Variants in COG5 observed in about 807,000 individuals in gnomAD.
COG5 encodes the protein component of oligomeric golgi complex 5.
A neutral mutation model predicts 110.4 loss-of-function variants in COG5; 86 were observed. The observed-to-expected ratio is 0.78, with a 90% CI of 0.65 to 0.93. The LOEUF is 0.93. Among genes scored for constraint, COG5 ranks in the 40% least tolerant of loss-of-function variants. COG5 has a pLI of 0.00. For synonymous variants in COG5, 360 were observed against 334.6 expected (o/e 1.08, Z -0.83); for missense variants, 1,077 against 987.0 (o/e 1.09, Z -1.22).
chr7:107,349,066 T>A (rs1811892866), intron 10 of COG5, among the ~76,000 whole-genome samples: 1 of 152,198 alleles, frequency 6.6e-6, no homozygotes, highest in Non-Finnish European at 1.5e-5. Context: ...AACAATGGAT[T>A]GTACATTGTT....
chr7:107,434,706 C>G (rs752412774), intron 6 of COG5, among the ~76,000 whole-genome samples: 8 of 152,280 alleles, frequency 5.3e-5, no homozygotes, highest in Admixed American at 2.0e-4. Flanking sequence ...CGCGGTGGCT[C>G]ACGCCTGTAA....
rs147141577 is a variant in COG5, at chr7:107,356,264, CAAAG to C, written c.1026+5765_1026+5768del. 5.4e-3 allele frequency among the ~76,000 whole-genome samples: 829 copies of C among 152,156 alleles called. 9 individuals are homozygous for C. The highest frequency in any genetic ancestry group is 0.019 in the African/African-American group (807 of 41,538). Reference sequence around the variant, plus strand: ...GCATTGAAACCAAATGGTTTGAAAACAAAGAAATCTGGAAAATATATTCTTAATT... The same window carrying C: ...GCATTGAAACCAAATGGTTTGAAAACAAATCTGGAAAATATATTCTTAATT... On this transcript the variant is annotated intron_variant, in intron 10 of 21. Coordinates refer to ENST00000297135, the MANE Select transcript of COG5 (RefSeq NM_006348.5).
At chr7:107,211,839 T>C (rs1172101679) in intron 19 of COG5, among the ~76,000 whole-genome samples, 1 of 152,204 alleles carries the variant, frequency 6.6e-6, no homozygotes, top group African/African-American at 2.4e-5. Flanking sequence ...CTACAAATTA[T>C]ATACCACCTG....
rs980222657 is a variant in COG5 at position 107,202,318 on chromosome 7, G to C, written c.*1198C>G. 6 of 152,714 alleles carry C rather than the reference G, an allele frequency of 3.9e-5. No homozygotes were observed. Among genetic ancestry groups the C allele is most frequent in the Non-Finnish European group, 8.8e-5 (6 of 68,014 alleles). The allele number at this position is 152,714 out of a possible 1,614,324, so 9.5% of individuals were successfully genotyped here. A position where few individuals can be genotyped will look rare whatever the true frequency, so the allele number is the denominator to read the frequency against. On this transcript the variant is annotated 3_prime_UTR_variant, in exon 22 of 22. Coordinates refer to ENST00000297135, the MANE Select transcript of COG5 (RefSeq NM_006348.5). ...ATTTTCCTCCAACTGTCTAAAATTAGAGCAAATACATTGGCAATACAGCTG... is the reference window on the plus strand; with the variant it reads ...ATTTTCCTCCAACTGTCTAAAATTACAGCAAATACATTGGCAATACAGCTG...
At chr7:107,494,948 G>C (rs1026202487) in intron 6 of COG5, among the ~76,000 whole-genome samples, 1 of 152,098 alleles carries the variant, frequency 6.6e-6, no homozygotes, top group African/African-American at 2.4e-5. Flanking sequence ...AATCCTGAGA[G>C]CCACAGGAGC....
intron 6 of COG5, among the ~76,000 whole-genome samples, chr7:107,421,940 T>A (rs1213700846): frequency 6.6e-6 from 1 of 152,166 alleles, no homozygotes; most frequent in Non-Finnish European, 1.5e-5. Context: ...ATCTGTGAGA[T>A]GCAACCAACG....
intron 12 of COG5, among the ~76,000 whole-genome samples, chr7:107,284,698 T>C (rs1805484015): frequency 6.6e-6 from 1 of 152,234 alleles, no homozygotes; most frequent in African/African-American, 2.4e-5. Flanking sequence ...ATATCTTTAA[T>C]AATTCATGCT....
At chr7:107,420,632 T>G (rs1793218280) in intron 6 of COG5, among the ~76,000 whole-genome samples, 1 of 152,102 alleles carries the variant, frequency 6.6e-6, no homozygotes, top group African/African-American at 2.4e-5. Context: ...GGCTAATTTT[T>G]CTGTATTTTT....
intron 5 of COG5, among the ~76,000 whole-genome samples, chr7:107,541,295 G>A (rs1349790976): frequency 1.3e-5 from 2 of 151,164 alleles, no homozygotes; most frequent in South Asian, 2.1e-4. Context: ...TCAGGAGTTC[G>A]AGACCAACCT....
At chr7:107,560,329 G>A (rs1028358177) in intron 1 of COG5, among the ~76,000 whole-genome samples, 2 of 152,172 alleles carry the variant, frequency 1.3e-5, no homozygotes, top group Non-Finnish European at 2.9e-5. Flanking sequence ...AAGACATAAT[G>A]AAGGCCCGAC....
chr7:107,548,396 T>G, intron 3 of COG5, 64 bp from the exon 4 acceptor site: 1 of 1,439,494 alleles, frequency 6.9e-7, no homozygotes, highest in Non-Finnish European at 9.8e-7. Flanking sequence ...GGTAAATAGT[T>G]AAATTAAAAG....
intron 6 of COG5, among the ~76,000 whole-genome samples, chr7:107,520,417 C>T (rs569765422): frequency 6.6e-6 from 1 of 152,280 alleles, no homozygotes; most frequent in South Asian, 2.1e-4. Flanking sequence ...CCCAAAAACT[C>T]CTTAAATTGA....
intron 6 of COG5, among the ~76,000 whole-genome samples, chr7:107,460,940 T>A (rs1296641039): frequency 6.6e-6 from 1 of 152,110 alleles, no homozygotes; most frequent in African/African-American, 2.4e-5. Context: ...ATTAAATTAT[T>A]TGAATTTATA....
chr7:107,542,091 A>G (rs570484901), intron 5 of COG5, among the ~76,000 whole-genome samples: 6 of 152,302 alleles, frequency 3.9e-5, no homozygotes, highest in Non-Finnish European at 8.8e-5. Context: ...GGCAATATAC[A>G]ATATCTTCAT....
At chr7:107,300,607 T>A (rs1317124526) in intron 11 of COG5, among the ~76,000 whole-genome samples, 1 of 152,070 alleles carries the variant, frequency 6.6e-6, no homozygotes, top group Non-Finnish European at 1.5e-5. Context: ...TACATAGATA[T>A]ATCTGACAAA....
chr7:107,493,162 T>C (rs1798073774), intron 6 of COG5, among the ~76,000 whole-genome samples: 1 of 152,156 alleles, frequency 6.6e-6, no homozygotes, highest in South Asian at 2.1e-4. Context: ...TCATCTCTCT[T>C]ACCCTTCTAC....
intron 8 of COG5, among the ~76,000 whole-genome samples, chr7:107,368,568 A>C (rs114531857): frequency 0.019 from 2,867 of 152,246 alleles, 90 homozygotes; most frequent in African/African-American, 0.064. Context: ...TTTTTCTTTA[A>C]GTTTTATAAT....
At chr7:107,374,328 G>A (rs1814446512) in intron 7 of COG5, among the ~76,000 whole-genome samples, 1 of 152,046 alleles carries the variant, frequency 6.6e-6, no homozygotes, top group South Asian at 2.1e-4. Flanking sequence ...TTAAGTGTAT[G>A]TATAATCCAA....
chr7:107,218,129 T>C (rs1438254209), intron 19 of COG5, among the ~76,000 whole-genome samples: 2 of 152,020 alleles, frequency 1.3e-5, no homozygotes, highest in Non-Finnish European at 2.9e-5. Context: ...ATAAATGTAC[T>C]TAGGAATAAA....
Sources: gnomAD v4.1 joint callset for allele counts (sites outside exome capture counted in the v4.1 genomes callset) on GRCh38, gnomAD v4.1.1 for gene constraint, MANE v1.5 for transcripts, NCBI Gene and HGNC (gene_info 2026-07-23, HGNC 2026-07-21) for gene names.